Variants in NRG3 observed in about 807,000 individuals in gnomAD.
NRG3 encodes the protein neuregulin 3.
A neutral mutation model predicts 66.9 loss-of-function variants in NRG3; 31 were observed. That is an observed-to-expected ratio of 0.46 (90% CI 0.35 to 0.63). The LOEUF (loss-of-function observed/expected upper bound fraction) is 0.63. NRG3 is among the 20% of genes least tolerant of loss of function. The pLI, the probability that NRG3 is intolerant of heterozygous loss-of-function variation, is 0.00. For synonymous variants in NRG3, 393 were observed against 359.4 expected (o/e 1.09, Z -1.06); for missense variants, 910 against 878.9 (o/e 1.04, Z -0.45).
intron 2 of NRG3, among the ~76,000 whole-genome samples, chr10:82,619,596 T>C (rs1016714609): frequency 3.3e-5 from 5 of 152,204 alleles, no homozygotes; most frequent in Admixed American, 1.3e-4. Flanking sequence ...CAGGATAAAT[T>C]GTGTTTCCTA....
intron 1 of NRG3, among the ~76,000 whole-genome samples, chr10:82,134,044 T>C (rs761806867): frequency 1.4e-4 from 21 of 152,244 alleles, no homozygotes; most frequent in Non-Finnish European, 2.6e-4. Flanking sequence ...ATATGCTTGT[T>C]GGCTGCATGT....
rs1009659493 is a variant in NRG3 at position 82,427,010 on chromosome 10, C to G, written c.953+68142C>G. ...TCATTGCTAGTGTATAGAAATATGA[C>G]TGATTTTTGTATATAGGCCTCATAT... On this transcript the variant is annotated intron_variant, in intron 2 of 8. Transcript: ENST00000372141. Among the ~76,000 whole-genome samples the G allele has an allele frequency of 3.9e-5, 6 of 152,042 alleles. No homozygotes were observed. The South Asian group carries it at 8.3e-4, about 21-fold the overall frequency.
At chr10:81,991,193 A>C (rs996321122) in intron 1 of NRG3, among the ~76,000 whole-genome samples, 2 of 152,166 alleles carry the variant, frequency 1.3e-5, no homozygotes, top group African/African-American at 4.8e-5. Flanking sequence ...TGTCTTCAAT[A>C]TGTACATTGT....
intron 1 of NRG3, among the ~76,000 whole-genome samples, chr10:81,959,026 A>T (rs1468698928): frequency 6.6e-6 from 1 of 152,224 alleles, no homozygotes; most frequent in Non-Finnish European, 1.5e-5. Flanking sequence ...TGATGAAATG[A>T]ATATTTCAGA....
At chr10:82,563,861 A>G (rs1446055512) in intron 2 of NRG3, among the ~76,000 whole-genome samples, 5 of 152,110 alleles carry the variant, frequency 3.3e-5, no homozygotes, top group Admixed American at 3.3e-4. Flanking sequence ...TGATGTTTCA[A>G]CAATTTCAAT....
chr10:82,485,102 C>G (rs1417235201), intron 2 of NRG3, among the ~76,000 whole-genome samples: 1 of 152,104 alleles, frequency 6.6e-6, no homozygotes, highest in Non-Finnish European at 1.5e-5. Flanking sequence ...TCCATGCTAG[C>G]ACGGTTAGAC....
intron 1 of NRG3, among the ~76,000 whole-genome samples, chr10:81,979,633 T>A (rs2060260054): frequency 6.6e-6 from 1 of 152,188 alleles, no homozygotes; most frequent in East Asian, 1.9e-4. Context: ...TACATCCAAA[T>A]GTTTTGATAG....
intron 3 of NRG3, chr10:82,843,149 T>G (rs2063144800): frequency 2.5e-6 from 1 of 403,554 alleles, no homozygotes; most frequent in Non-Finnish European, 5.1e-6. Flanking sequence ...GAAACATGCT[T>G]ATTGCATTAG....
At chr10:82,946,345 C>T (rs1204681908) in intron 4 of NRG3, among the ~76,000 whole-genome samples, 1 of 151,696 alleles carries the variant, frequency 6.6e-6, no homozygotes. Flanking sequence ...TCGAGACTAG[C>T]CTGGCCAAGA....
chr10:82,349,486 T>C (rs1330029356), intron 1 of NRG3, among the ~76,000 whole-genome samples: 4 of 151,630 alleles, frequency 2.6e-5, no homozygotes, highest in African/African-American at 7.3e-5. Flanking sequence ...GACAGGGACA[T>C]TTAAGTCTGC....
At chr10:82,164,559 A>G (rs1464311580) in intron 1 of NRG3, among the ~76,000 whole-genome samples, 1 of 152,104 alleles carries the variant, frequency 6.6e-6, no homozygotes, top group East Asian at 1.9e-4. Flanking sequence ...TCTGGTATGT[A>G]TCATTTTACT....
chr10:82,202,710 C>G (rs1040216266), intron 1 of NRG3, among the ~76,000 whole-genome samples: 2 of 152,240 alleles, frequency 1.3e-5, no homozygotes, highest in South Asian at 4.1e-4. Context: ...GGATCTCTAT[C>G]TGAGGAGCTG....
chr10:82,211,867 C>A (rs1444504007), intron 1 of NRG3, among the ~76,000 whole-genome samples: 1 of 152,084 alleles, frequency 6.6e-6, no homozygotes, highest in South Asian at 2.1e-4. Flanking sequence ...CCATAACACA[C>A]CCCTATACTA....
chr10:82,418,635 C>T lies in NRG3; in HGVS notation c.953+59767C>T, dbSNP rs144509418. 5.3e-3 allele frequency among the ~76,000 whole-genome samples: 801 copies of T among 152,278 alleles called. 7 individuals carry two copies. Among genetic ancestry groups the T allele is most frequent in the African/African-American group, 0.019 (779 of 41,554 alleles). ...TATTTATTAAAGGCAGGATCTCACT[C>T]TGTTGCCTAGGCTGGAGTGCAGCAG... On this transcript the variant is annotated intron_variant, in intron 2 of 8. Transcript: ENST00000372141.
chr10:82,560,809 A>G (rs2044989372), intron 2 of NRG3, among the ~76,000 whole-genome samples: 1 of 151,714 alleles, frequency 6.6e-6, no homozygotes, highest in Non-Finnish European at 1.5e-5. Flanking sequence ...TTTAAATAAG[A>G]AACGACTGGT....
intron 1 of NRG3, among the ~76,000 whole-genome samples, chr10:81,971,139 C>T (rs1254639795): frequency 1.3e-5 from 2 of 152,096 alleles, no homozygotes; most frequent in African/African-American, 4.8e-5. Context: ...AACACTCCGT[C>T]TAAAAAGAAA....
intron 1 of NRG3, among the ~76,000 whole-genome samples, chr10:82,218,341 G>T (rs772629956): frequency 1.3e-5 from 2 of 152,100 alleles, no homozygotes; most frequent in Non-Finnish European, 2.9e-5. Context: ...CAAAGATTCA[G>T]TCCAAGGTTC....
At chr10:82,764,327 A>T (rs2059433648) in intron 3 of NRG3, among the ~76,000 whole-genome samples, 1 of 150,406 alleles carries the variant, frequency 6.6e-6, no homozygotes, top group African/African-American at 2.5e-5. Flanking sequence ...GAGCCACCAG[A>T]CCCGGCTTCA....
chr10:82,395,664 CCATCATCCATCCATT>C (rs1319846140), intron 2 of NRG3, among the ~76,000 whole-genome samples: 3 of 152,068 alleles, frequency 2.0e-5, no homozygotes, highest in Non-Finnish European at 4.4e-5. Flanking sequence ...ATCCATCCAT[CCATCATCCATCCATT>C]CATCATCCAT....
Sources: allele counts gnomAD v4.1 joint callset (sites outside exome capture counted in the v4.1 genomes callset), GRCh38; gene constraint gnomAD v4.1.1; transcripts MANE v1.5; gene names NCBI Gene and HGNC (gene_info 2026-07-23, HGNC 2026-07-21).